The following MACROD1 variants were observed in gnomAD, a reference collection of about 807,000 sequenced individuals.
The protein encoded by MACROD1 is mono-ADP ribosylhydrolase 1, also known as ADP-ribose glycohydrolase MACROD1.
In MACROD1, 31 loss-of-function variants were observed where a neutral mutation model predicts 41.4. The ratio of observed to expected loss-of-function variants is 0.75; its 90% CI spans 0.56 to 1.01. MACROD1 has a LOEUF of 1.01. MACROD1 is among the 50% of genes least tolerant of loss of function. The probability of loss-of-function intolerance (pLI) is 0.00; values close to 1 mark genes in which losing one functional copy is unlikely to be tolerated. For missense variants in MACROD1, 473 were observed against 460.0 expected, an observed-to-expected ratio of 1.03 and a Z score of -0.26; for synonymous variants, 252 against 203.4, an observed-to-expected ratio of 1.24 and a Z score of -2.03.
chr11:64,128,016 G>A (rs977330478), intron 3 of MACROD1, among the ~76,000 whole-genome samples: 1 of 152,210 alleles, frequency 6.6e-6, no homozygotes, highest in African/African-American at 2.4e-5. Flanking sequence ...CAGTTAACGG[G>A]TTTTTCCTTA....
rs1389479818 is a variant in MACROD1 at position 64,146,324 on chromosome 11, G to A, written c.517+4915C>T. On this transcript the variant is annotated intron_variant, in intron 3 of 10. Transcript: ENST00000255681. The surrounding 1 kb of genome is among the most constrained non-coding windows in gnomAD (Gnocchi z 4.7). ...GACTGAGGTCATAGGCAAGGCTGGA[G>A]AGGCAGGCACCGGCTCTGAGAACCT... Among the ~76,000 whole-genome samples, 5 of 152,196 alleles carry A rather than the reference G, an allele frequency of 3.3e-5. No individual in the cohort carries two copies. Among genetic ancestry groups the A allele is most frequent in the African/African-American group, 1.2e-4 (5 of 41,444 alleles).
At chr11:64,159,523 G>A (rs755776805) in intron 1 of MACROD1, among the ~76,000 whole-genome samples, 90 of 145,866 alleles carry the variant, frequency 6.2e-4, no homozygotes, top group Non-Finnish European at 1.2e-3. Flanking sequence ...GGCCAGGCAC[G>A]GTGGCTCACT....
At chr11:64,130,914 G>A (rs1373697562) in intron 3 of MACROD1, among the ~76,000 whole-genome samples, 1 of 152,236 alleles carries the variant, frequency 6.6e-6, no homozygotes, top group Non-Finnish European at 1.5e-5. Flanking sequence ...ATGCTGCCAA[G>A]CCTGGGACGA....
rs118097187 is a variant in MACROD1, at chr11:64,090,133, C to T, written c.517+61106G>A. Among the ~76,000 whole-genome samples, 687 of 152,210 alleles carry T rather than the reference C, an allele frequency of 4.5e-3. 3 individuals are homozygous for T. The highest frequency in any genetic ancestry group is 7.3e-3 in the Non-Finnish European group (493 of 67,990). ...GGGGAAGATATGCACCCTCTCCCCA[C>T]GGGGCTAGGGACTCATCTCTGCCTG... is the stretch of plus-strand genomic sequence containing the variant. On this transcript the variant is annotated intron_variant, in intron 3 of 10. Transcript: ENST00000255681. This position sits in a 1 kb window ranked among gnomAD's most constrained non-coding sequence, Gnocchi z 4.7.
At chr11:64,147,364 C>T (rs893408326) in intron 3 of MACROD1, among the ~76,000 whole-genome samples, 2 of 151,092 alleles carry the variant, frequency 1.3e-5, no homozygotes, top group Non-Finnish European at 3.0e-5. Context: ...GAGCCACCGC[C>T]TGCAGCCTCA....
intron 4 of MACROD1, among the ~76,000 whole-genome samples, chr11:64,002,104 GGTATGT>G (rs1203852919): frequency 6.6e-6 from 1 of 152,198 alleles, no homozygotes; most frequent in African/African-American, 2.4e-5. Context: ...GGCATGTTCG[GGTATGT>G]GTACATCAGT....
At chr11:64,060,485 C>A (rs1052043181) in intron 3 of MACROD1, 4 of 152,216 alleles carry the variant, frequency 2.6e-5, no homozygotes, top group Admixed American at 6.5e-5. Flanking sequence ...CGACTCCAGG[C>A]CCTCACAGAT....
intron 3 of MACROD1, among the ~76,000 whole-genome samples, chr11:64,110,561 G>T (rs1159559157): frequency 6.6e-6 from 1 of 151,048 alleles, no homozygotes; most frequent in African/African-American, 2.4e-5. Flanking sequence ...ATAGAGCCAA[G>T]AATAATGCCA....
chr11:64,016,737 G>A lies in MACROD1; in HGVS notation c.518-1456C>T, dbSNP rs143631521. On this transcript the variant is annotated intron_variant, in intron 3 of 10. Transcript: ENST00000255681. ...TAATTAAGATGGAGAGGCGAGGAGC[G>A]GCTGGGCGCTCCCAAAGCAGGGGTG... 4.7e-4 allele frequency among the ~76,000 whole-genome samples: 72 copies of A among 152,366 alleles called. 2 individuals are homozygous for A. Among genetic ancestry groups the A allele is most frequent in the Admixed American group, 3.2e-3 (49 of 15,306 alleles).
chr11:64,023,756 C>T (rs1016255512), intron 3 of MACROD1, among the ~76,000 whole-genome samples: 1 of 152,194 alleles, frequency 6.6e-6, no homozygotes, highest in Non-Finnish European at 1.5e-5. Context: ...CTCCCACACA[C>T]CTCCAGGTGC....
rs1193418294 is a variant in MACROD1 at position 64,096,605 on chromosome 11, G to A, written c.517+54634C>T. Among the ~76,000 whole-genome samples, 1 of 151,886 alleles carries A rather than the reference G, an allele frequency of 6.6e-6. No individual in the cohort carries two copies. The highest frequency in any genetic ancestry group is 1.5e-5 in the Non-Finnish European group (1 of 67,956). On this transcript the variant is annotated intron_variant, in intron 3 of 10. Coordinates refer to ENST00000255681, the MANE Select transcript of MACROD1 (RefSeq NM_014067.4). This position sits in a 1 kb window ranked among gnomAD's most constrained non-coding sequence, Gnocchi z 4.6. ...TAATTTTTTTATTTTTAGTAGACAC[G>A]GGGGTATCAACATGTTGGCCAGGCT...
At chr11:64,118,573 T>G in intron 3 of MACROD1, 1 of 360,826 alleles carries the variant, frequency 2.8e-6, no homozygotes, top group Non-Finnish European at 5.2e-6. Context: ...AAAAATAATA[T>G]TGCAGGCAGG....
chr11:64,113,952 A>G (rs1451420126), intron 3 of MACROD1, among the ~76,000 whole-genome samples: 4 of 148,412 alleles, frequency 2.7e-5, no homozygotes, highest in African/African-American at 1.0e-4. Flanking sequence ...GGATGGATGG[A>G]TGGATGGATG....
intron 3 of MACROD1, among the ~76,000 whole-genome samples, chr11:64,148,203 AC>A (rs1196626930): frequency 6.6e-6 from 1 of 151,588 alleles, no homozygotes; most frequent in Non-Finnish European, 1.5e-5. Flanking sequence ...CTGGCTGGAG[AC>A]CCCTTCAACC....
At chr11:64,030,001 C>T (rs547221744) in intron 3 of MACROD1, among the ~76,000 whole-genome samples, 16 of 152,242 alleles carry the variant, frequency 1.1e-4, no homozygotes, top group South Asian at 1.0e-3. Flanking sequence ...GGCCACCAAC[C>T]GCCTCAGTCC....
intron 3 of MACROD1, chr11:64,118,288 CATG>C: frequency 1.3e-6 from 2 of 1,560,678 alleles, no homozygotes; most frequent in Non-Finnish European, 1.7e-6. Context: ...TACTCCTACA[CATG>C]ATGCCCGCCC....
At chr11:64,117,649 C>T (rs1372370736) in intron 3 of MACROD1, 66 of 1,613,654 alleles carry the variant, frequency 4.1e-5, no homozygotes, top group Non-Finnish European at 5.3e-5. Context: ...ACGCTCCCCG[C>T]CTCCTCTTTC....
Position 64,165,831 on chromosome 11 carries a change from G to C in MACROD1, c.164C>G (p.Ala55Gly). 1 of 1,477,242 alleles carries C rather than the reference G, an allele frequency of 6.8e-7. No homozygotes were observed. Among genetic ancestry groups the C allele is most frequent in the Non-Finnish European group, 9.0e-7 (1 of 1,115,602 alleles). The allele number at this position is 1,477,242 out of a possible 1,614,324, so 91.5% of individuals were successfully genotyped here. The change falls in exon 1 of 11, where the codon GCG becomes GGG. Residue 55 changes from alanine (A) to glycine (G), a missense_variant. Transcript: ENST00000255681. ...PAFLGVFGRR[A>G]RTSAGVGAWG... ...CGCCCCAACTCCCGCCGAGGTCCGCGCACGGCGGCCGAACACGCCCAGGAA... is the reference window on the plus strand; with the variant it reads ...CGCCCCAACTCCCGCCGAGGTCCGCCCACGGCGGCCGAACACGCCCAGGAA...
At chr11:64,111,482 A>G (rs1395023655) in intron 3 of MACROD1, among the ~76,000 whole-genome samples, 1 of 152,226 alleles carries the variant, frequency 6.6e-6, no homozygotes, top group Non-Finnish European at 1.5e-5. Context: ...CTCCGGCTCC[A>G]TAACCTTCAC....
Sources: gnomAD v4.1 joint callset for allele counts (sites outside exome capture counted in the v4.1 genomes callset) on GRCh38, gnomAD v4.1.1 for gene constraint, Gnocchi (gnomAD v3.1) non-coding constraint, MANE v1.5 for transcripts, NCBI Gene and HGNC (gene_info 2026-07-23, HGNC 2026-07-21) for gene names.